The following SLC4A4 variants were observed in gnomAD, a reference collection of about 807,000 sequenced individuals.
SLC4A4 encodes the protein solute carrier family 4 member 4.
Under a neutral mutation model 111.5 loss-of-function variants are expected in SLC4A4, and 27 were observed. That is an observed-to-expected ratio of 0.24 (90% CI 0.18 to 0.33). The LOEUF (loss-of-function observed/expected upper bound fraction) is 0.33. Ranked by LOEUF, SLC4A4 falls within the 10% of genes least tolerant of loss-of-function variation. The pLI is 1.00. For synonymous variants in SLC4A4, 443 were observed against 463.4 expected, an observed-to-expected ratio of 0.96 and a Z score of 0.57; for missense variants, 909 against 1,315.5, an observed-to-expected ratio of 0.69 and a Z score of 4.78.
rs1339737329 is a variant in SLC4A4 at position 71,381,727 on chromosome 4, T to C, written c.731-15850T>C. Reference sequence around the variant, plus strand: ...TCTTAGAGAGCTACCAGTTAGACCTTTTTTTTTGGAGACACGTCTCGCTGT... The same window carrying C: ...TCTTAGAGAGCTACCAGTTAGACCTCTTTTTTTGGAGACACGTCTCGCTGT... On this transcript the variant is annotated intron_variant, in intron 6 of 25. Coordinates refer to ENST00000264485, the MANE Select transcript of SLC4A4 (RefSeq NM_001098484.3). Among the ~76,000 whole-genome samples, 5 of 151,896 alleles carry C rather than the reference T, an allele frequency of 3.3e-5. No individual in the cohort carries two copies. In the East Asian group the frequency reaches 9.6e-4, roughly 29 times the overall value.
intron 1 of SLC4A4, among the ~76,000 whole-genome samples, chr4:71,227,514 G>A (rs1719129603): frequency 6.6e-6 from 1 of 152,078 alleles, no homozygotes; most frequent in Non-Finnish European, 1.5e-5. Context: ...AGCATTTTGG[G>A]GCATCCACTG....
chr4:71,248,571 A>G (rs1720844955), intron 2 of SLC4A4, among the ~76,000 whole-genome samples: 1 of 152,228 alleles, frequency 6.6e-6, no homozygotes, highest in South Asian at 2.1e-4. Flanking sequence ...TGCAGTTTAC[A>G]TAGGGTAACC....
intron 3 of SLC4A4, chr4:71,338,933 GC>G (rs1261174782): frequency 1.7e-6 from 1 of 596,098 alleles, no homozygotes; most frequent in Non-Finnish European, 2.6e-6. Flanking sequence ...TGGGTGGGAG[GC>G]GGGGACTTGG....
In SLC4A4 at chr4:71,442,192, A is replaced by G. The variant is rs575193444; in HGVS notation, c.965+1419A>G. On this transcript the variant is annotated intron_variant, in intron 8 of 25. Coordinates refer to ENST00000264485, the MANE Select transcript of SLC4A4 (RefSeq NM_001098484.3). ...ATGCTTTAAAAGACTTTTATTTAAC[A>G]AAATACGCATTCATTGAGAGCAAAT... Among the ~76,000 whole-genome samples the G allele has an allele frequency of 2.0e-5, 3 of 152,238 alleles. No homozygotes were observed. In the South Asian group the frequency reaches 6.2e-4, roughly 32 times the overall value.
chr4:71,317,962 A>G (rs757513000), intron 3 of SLC4A4, among the ~76,000 whole-genome samples: 24 of 152,136 alleles, frequency 1.6e-4, no homozygotes, highest in Non-Finnish European at 2.5e-4. Context: ...ATTAAGTAAT[A>G]TTTCTAATCT....
chr4:71,307,432 A>G (rs1025514201), intron 3 of SLC4A4, among the ~76,000 whole-genome samples: 15 of 152,204 alleles, frequency 9.9e-5, no homozygotes, highest in African/African-American at 3.6e-4. Context: ...CTTGGTTTTG[A>G]TTTTGCATTC....
At chr4:71,068,147 C>A (rs934170742) in intron 1 of SLC4A4, among the ~76,000 whole-genome samples, 3 of 150,546 alleles carry the variant, frequency 2.0e-5, no homozygotes, top group Non-Finnish European at 4.4e-5. Flanking sequence ...TCACTGCAAC[C>A]TCTGCCTCTC....
intron 3 of SLC4A4, among the ~76,000 whole-genome samples, chr4:71,286,054 C>T (rs1462522748): frequency 1.3e-5 from 2 of 152,046 alleles, no homozygotes; most frequent in African/African-American, 4.8e-5. Flanking sequence ...CTGGCTAACA[C>T]AGTGAAACCC....
chr4:71,539,739 C>G (rs1484439551), intron 18 of SLC4A4, among the ~76,000 whole-genome samples: 1 of 152,054 alleles, frequency 6.6e-6, no homozygotes, highest in Non-Finnish European at 1.5e-5. Flanking sequence ...ATTACTTTAT[C>G]CCTTTTCTTG....
At chr4:71,071,809 A>G (rs142525858) in intron 1 of SLC4A4, among the ~76,000 whole-genome samples, 212 of 152,290 alleles carry the variant, frequency 1.4e-3, no homozygotes, top group Middle Eastern at 3.4e-3. Context: ...ATGTATCCCA[A>G]TTGTTCTAAT....
rs71213506 is a variant in SLC4A4, at chr4:71,371,245, C to CTTTTTTT, written c.730+14070_730+14076dup. The stretch of plus-strand genomic sequence containing the variant: ...ATAAACTCTACCCTTCCAGGAATGC[C>CTTTTTTT]TTTTTTTTTTTTTTTTTTGGTACAG... On this transcript the variant is annotated intron_variant, in intron 6 of 25. Coordinates refer to ENST00000264485, the MANE Select transcript of SLC4A4 (RefSeq NM_001098484.3). 3.3e-5 allele frequency among the ~76,000 whole-genome samples: 4 copies of CTTTTTTT among 120,080 alleles called. 1 individual carries two copies. Among genetic ancestry groups the CTTTTTTT allele is most frequent in the African/African-American group, 6.3e-5 (2 of 31,742 alleles). The allele number at this position is 120,080 out of a possible 152,430, so 78.8% of individuals were successfully genotyped here.
At chr4:71,329,536 C>G (rs1321968497) in intron 3 of SLC4A4, among the ~76,000 whole-genome samples, 1 of 151,922 alleles carries the variant, frequency 6.6e-6, no homozygotes, top group East Asian at 1.9e-4. Flanking sequence ...CTTTCACTTT[C>G]TTGGCTAAGT....
chr4:71,093,460 A>G (rs1174940085), intron 2 of SLC4A4, among the ~76,000 whole-genome samples: 1 of 152,176 alleles, frequency 6.6e-6, no homozygotes, highest in Non-Finnish European at 1.5e-5. Flanking sequence ...GAGCCACTGC[A>G]TTGGCCTATT....
intron 1 of SLC4A4, among the ~76,000 whole-genome samples, chr4:71,217,722 T>C (rs1718520216): frequency 6.6e-6 from 1 of 152,232 alleles, no homozygotes; most frequent in African/African-American, 2.4e-5. Context: ...AACTCTCAGC[T>C]GGTCATCACT....
At chr4:71,321,701 G>C (rs988760712) in intron 3 of SLC4A4, among the ~76,000 whole-genome samples, 1 of 150,652 alleles carries the variant, frequency 6.6e-6, no homozygotes, top group African/African-American at 2.5e-5. Context: ...GAGAGCAAGA[G>C]GGGGTGAATC....
intron 3 of SLC4A4, among the ~76,000 whole-genome samples, chr4:71,322,383 GTCT>G (rs1727182180): frequency 1.3e-5 from 2 of 151,962 alleles, no homozygotes; most frequent in East Asian, 1.9e-4. Context: ...GAAGGAGAAT[GTCT>G]TCTTTTGTAT....
chr4:71,112,186 T>C (rs1249570604), intron 2 of SLC4A4, among the ~76,000 whole-genome samples: 2 of 152,234 alleles, frequency 1.3e-5, no homozygotes, highest in Non-Finnish European at 2.9e-5. Flanking sequence ...ACATCTCCTT[T>C]CCACTAATTA....
chr4:71,403,258 ACTC>A (rs1487188790), intron 7 of SLC4A4, among the ~76,000 whole-genome samples: 1 of 152,150 alleles, frequency 6.6e-6, no homozygotes, highest in African/African-American at 2.4e-5. Flanking sequence ...ATAAATTTGA[ACTC>A]CTAAAACACC....
At chr4:71,403,672 T>A (rs541701556) in intron 7 of SLC4A4, among the ~76,000 whole-genome samples, 3 of 152,242 alleles carry the variant, frequency 2.0e-5, no homozygotes, top group African/African-American at 7.2e-5. Context: ...CTGGAGCAAA[T>A]GTAGCAGGTG....
Sources: allele counts gnomAD v4.1 joint callset (sites outside exome capture counted in the v4.1 genomes callset), GRCh38; gene constraint gnomAD v4.1.1; transcripts MANE v1.5; gene names NCBI Gene and HGNC (gene_info 2026-07-23, HGNC 2026-07-21).